The following MPP4 variants were observed in gnomAD, a reference collection of about 807,000 sequenced individuals.
The protein encoded by MPP4 is MAGUK p55 subfamily member 4.
Under a neutral mutation model 98.3 loss-of-function variants are expected in MPP4, and 91 were observed. The observed-to-expected ratio is 0.93, with a 90% CI of 0.78 to 1.10. The LOEUF is 1.10. MPP4 is among the 50% of genes least tolerant of loss of function. The pLI, the probability that MPP4 is intolerant of heterozygous loss-of-function variation, is 0.00. For missense variants in MPP4, 744 were observed against 792.9 expected, an observed-to-expected ratio of 0.94 and a Z score of 0.74; for synonymous variants, 261 against 271.8, an observed-to-expected ratio of 0.96 and a Z score of 0.39.
intron 1 of MPP4, among the ~76,000 whole-genome samples, chr2:201,698,367 T>G (rs1689252421): frequency 6.6e-6 from 1 of 152,224 alleles, no homozygotes. Context: ...TCAATCTTCC[T>G]GACAACTCAT....
chr2:201,647,495 C>G, intron 21 of MPP4, among the ~76,000 whole-genome samples, 196 bp downstream of exon 21: 1 of 152,078 alleles, frequency 6.6e-6, no homozygotes, highest in East Asian at 1.9e-4. Flanking sequence ...TAACACAGAT[C>G]CTGTAGAAAC....
At chr2:201,676,745 C>T (rs565887619) in intron 10 of MPP4, among the ~76,000 whole-genome samples, 1 of 152,150 alleles carries the variant, frequency 6.6e-6, no homozygotes, top group South Asian at 2.1e-4. Context: ...ACTAAAAATA[C>T]AAAAATTAGT....
chr2:201,695,245 C>T (rs6733922), intron 1 of MPP4, among the ~76,000 whole-genome samples: 10 of 152,282 alleles, frequency 6.6e-5, no homozygotes, highest in African/African-American at 2.2e-4. Context: ...ATCACGCCTA[C>T]ATTTCGGCCA....
intron 1 of MPP4, among the ~76,000 whole-genome samples, chr2:201,696,473 CT>C (rs1185217592): frequency 6.6e-6 from 1 of 152,180 alleles, no homozygotes; most frequent in African/African-American, 2.4e-5. Flanking sequence ...ATTGGTTCCC[CT>C]CCAGCACCTC....
chr2:201,647,926 G>A (rs1263247221), intron 20 of MPP4, 101 bp from the exon 21 acceptor site: 10 of 1,168,426 alleles, frequency 8.6e-6, no homozygotes, highest in Non-Finnish European at 1.2e-5. Flanking sequence ...TGCAATCACA[G>A]TTCACTGTAG....
intron 4 of MPP4, among the ~76,000 whole-genome samples, chr2:201,688,718 A>G (rs949140053): frequency 1.3e-5 from 2 of 151,728 alleles, no homozygotes; most frequent in African/African-American, 4.8e-5. Context: ...GGTTCAAGCA[A>G]TTTTCGTGCC....
chr2:201,657,961 T>TTTTTG (rs1559005350), intron 16 of MPP4, among the ~76,000 whole-genome samples: 3 of 150,966 alleles, frequency 2.0e-5, no homozygotes, highest in African/African-American at 7.4e-5. Context: ...CTTGTTTTTT[T>TTTTTG]TTTTTTTGTT....
chr2:201,692,507 G>A (rs1483816311), intron 3 of MPP4, among the ~76,000 whole-genome samples: 4 of 149,156 alleles, frequency 2.7e-5, no homozygotes, highest in Non-Finnish European at 4.4e-5. Flanking sequence ...TCAGGCCAGC[G>A]CATTCCAGCC....
At chr2:201,681,827 C>A (rs151063399) in intron 8 of MPP4, among the ~76,000 whole-genome samples, 51 of 151,266 alleles carry the variant, frequency 3.4e-4, no homozygotes, top group Non-Finnish European at 5.6e-4. Context: ...GGGACCCCCC[C>A]CCACCCTACA....
intron 21 of MPP4, among the ~76,000 whole-genome samples, chr2:201,645,657 ATT>A (rs556964874): frequency 6.9e-6 from 1 of 145,584 alleles, no homozygotes; most frequent in Non-Finnish European, 1.5e-5. Flanking sequence ...AGATAAAATA[ATT>A]TTTTTTTTTT....
At chr2:201,686,118 C>G in intron 5 of MPP4, 68 bp from the exon 6 acceptor site, 1 of 1,557,846 alleles carries the variant, frequency 6.4e-7, no homozygotes, top group Non-Finnish European at 8.8e-7. Flanking sequence ...AAGATAGTAA[C>G]TCAATACTAT....
At chr2:201,651,505 A>G (rs1266161027) in intron 18 of MPP4, 2 of 985,346 alleles carry the variant, frequency 2.0e-6, no homozygotes, top group East Asian at 1.1e-4. Flanking sequence ...GAATTGATGT[A>G]TAACTCGAGG....
In MPP4 at chr2:201,682,856, T is replaced by G. The variant is rs778705220; in HGVS notation, c.635A>C (p.Asp212Ala). The G allele has an allele frequency of 2.5e-5, 41 of 1,613,794 alleles. No individual in the cohort carries two copies. The highest frequency in any genetic ancestry group is 5.9e-6 in the Non-Finnish European group (7 of 1,179,868). Residue 212 changes from aspartate to alanine, a missense_variant, in exon 8 of 22, where the codon GAC becomes GCC. Asp to Ala is a moderately radical substitution (Grantham distance 126). Coordinates refer to ENST00000409474, the MANE Select transcript of MPP4 (RefSeq NM_033066.3). ...EVNGVSVEGL[D>A]PEQVIHILAM... is the part of the protein sequence containing the mutation. ...CAGAATATGGATCACTTGTTCAGGGTCCAGTCCCTCAACTGAAACTCCATT... is the reference window on the plus strand; with the variant it reads ...CAGAATATGGATCACTTGTTCAGGGGCCAGTCCCTCAACTGAAACTCCATT...
chr2:201,645,217 G>A lies in MPP4; in HGVS notation c.1907C>T (p.Ser636Phe). 2.5e-6 allele frequency: 4 copies of A among 1,611,558 alleles called. No individual in the cohort carries two copies. The highest frequency in any genetic ancestry group is 2.5e-6 in the Non-Finnish European group (3 of 1,178,874). Residue 636 changes from serine (S) to phenylalanine (F), a missense_variant, in exon 22 of 22, where the codon TCT becomes TTT. By Grantham distance (155) the Ser-to-Phe change is radical. Transcript: ENST00000409474. ...PATWISSDTE[S>F]Q ...AGCATTAAACAAGAAGTCTCATTGAGACTCAGTATCTGAGGAAATCCATGT... is the reference window on the plus strand; with the variant it reads ...AGCATTAAACAAGAAGTCTCATTGAAACTCAGTATCTGAGGAAATCCATGT...
chr2:201,658,088 C>A lies in MPP4; in HGVS notation c.1129+389G>T, dbSNP rs116756765. 2.0e-5 allele frequency among the ~76,000 whole-genome samples: 3 copies of A among 151,954 alleles called. No individual in the cohort carries two copies. In the East Asian group the frequency reaches 5.8e-4, roughly 29 times the overall value. ...CCTCCCTATAGAAGGAAGCCCAGAG[C>A]GGTTTTACATGAGTGGTACCTGGTC... On this transcript the variant is annotated intron_variant, in intron 16 of 21. Transcript: ENST00000409474.
intron 3 of MPP4, among the ~76,000 whole-genome samples, chr2:201,692,017 G>T (rs780664755): frequency 3.3e-5 from 5 of 152,104 alleles, no homozygotes; most frequent in Non-Finnish European, 7.4e-5. Flanking sequence ...TGATTCCAGG[G>T]GGCCTCTGGA....
rs748699688 is a variant in MPP4, at chr2:201,692,946, C to G, written c.163G>C (p.Asp55His). ...TGAAGCCACGGCGAGTGGAGGAGATCGTACAAGAGACACACTCCATTCACA... is the reference window on the plus strand; with the variant it reads ...TGAAGCCACGGCGAGTGGAGGAGATGGTACAAGAGACACACTCCATTCACA... ...RDVNGVCLLY[D>H]LLHSPWLQAL... Residue 55 changes from aspartate to histidine, a missense_variant, in exon 3 of 22, where the codon GAT (aspartate) becomes CAT (histidine). Physicochemically the swap from Asp to His is moderately conservative, Grantham distance 81. Transcript: ENST00000409474. The G allele has an allele frequency of 6.8e-6, 11 of 1,611,802 alleles. No homozygotes were observed. The highest frequency in any genetic ancestry group is 1.3e-5 in the African/African-American group (1 of 74,970).
At chr2:201,650,262 G>A in intron 18 of MPP4, 97 bp from the exon 19 acceptor site, 1 of 1,457,766 alleles carries the variant, frequency 6.9e-7, no homozygotes, top group Non-Finnish European at 9.0e-7. Context: ...ATAAATAAAT[G>A]AATATATAAT....
At chr2:201,651,220 C>T (rs1203675757) in intron 18 of MPP4, 44 of 985,212 alleles carry the variant, frequency 4.5e-5, no homozygotes, top group African/African-American at 5.2e-5. Flanking sequence ...AGCTAGAAAC[C>T]GGCCTTAAAT....
Sources: gnomAD v4.1 joint callset for allele counts (sites outside exome capture counted in the v4.1 genomes callset) on GRCh38, gnomAD v4.1.1 for gene constraint, MANE v1.5 for transcripts, NCBI Gene and HGNC (gene_info 2026-07-23, HGNC 2026-07-21) for gene names.